The following GNPTG variants were observed in gnomAD, a reference collection of about 807,000 sequenced individuals.
GNPTG encodes the protein N-acetylglucosamine-1-phosphate transferase subunit gamma, also known as N-acetylglucosamine-1-phosphotransferase subunit gamma.
GNPTG carries 46 observed loss-of-function variants against 43.8 expected under a neutral mutation model. That is an observed-to-expected ratio of 1.05 (90% confidence interval 0.83 to 1.34). The LOEUF is 1.34. Among genes scored for constraint, GNPTG ranks in the 40% most tolerant of loss-of-function variants. The pLI is 0.00. For synonymous variants in GNPTG, 250 were observed against 172.8 expected, an observed-to-expected ratio of 1.45 and a Z score of -3.50; for missense variants, 549 against 411.3, an observed-to-expected ratio of 1.33 and a Z score of -2.90.
At chr16:1,356,321 C>G (rs534039807) in intron 3 of GNPTG, among the ~76,000 whole-genome samples, 14 of 152,124 alleles carry the variant, frequency 9.2e-5, no homozygotes, top group African/African-American at 2.9e-4. Context: ...AGGGGACGTG[C>G]GGGTGAAGCA....
At chr16:1,354,968 T>C (rs1321967133) in intron 3 of GNPTG, among the ~76,000 whole-genome samples, 7 of 150,688 alleles carry the variant, frequency 4.6e-5, no homozygotes, top group Non-Finnish European at 3.0e-5. Flanking sequence ...GTCCCCCGCG[T>C]CTGTGGGGTG....
intron 4 of GNPTG, 29 bp from the exon 5 acceptor site, chr16:1,361,843 G>T: frequency 6.2e-7 from 1 of 1,613,914 alleles, no homozygotes. Context: ...GCAGCCTGCG[G>T]ACCCCCCTCA....
intron 3 of GNPTG, chr16:1,361,337 G>C (rs1302398941): frequency 7.6e-6 from 2 of 262,958 alleles, no homozygotes; most frequent in East Asian, 9.4e-5. Flanking sequence ...TGAACGTCTT[G>C]TGCTTTTTGT....
intron 3 of GNPTG, among the ~76,000 whole-genome samples, chr16:1,359,708 G>A (rs2034837551): frequency 6.6e-6 from 1 of 152,182 alleles, no homozygotes. Flanking sequence ...GACTCCCTAT[G>A]AACTTTAGGA....
chr16:1,361,332 G>A (rs113228172), intron 3 of GNPTG: 8 of 254,820 alleles, frequency 3.1e-5, no homozygotes, highest in African/African-American at 1.6e-4. Flanking sequence ...TTCTTTGAAC[G>A]TCTTGTGCTT....
rs919659785 is a variant in GNPTG, at chr16:1,363,820, G to C, written c.*729G>C. 3 of 154,480 alleles carry C rather than the reference G, an allele frequency of 1.9e-5. No individual in the cohort carries two copies. Among genetic ancestry groups the C allele is most frequent in the East Asian group, 1.9e-4 (1 of 5,220 alleles). 9.6% of individuals were successfully genotyped at this position (154,480 alleles called of 1,614,324 possible). A position where few individuals can be genotyped will look rare whatever the true frequency, so the allele number is the denominator to read the frequency against. ...TCTTCCCACTGCTCACCTGTCCTCA[G>C]AGCCAGTACTGATCTAGGGGAGCAG... On this transcript the variant is annotated 3_prime_UTR_variant, in exon 11 of 11. Coordinates refer to ENST00000204679, the MANE Select transcript of GNPTG (RefSeq NM_032520.5).
In GNPTG at chr16:1,363,752, GCCC is replaced by G. The variant is rs1178403225; in HGVS notation, c.*664_*666del. 1 of 159,868 alleles carries G rather than the reference GCCC, an allele frequency of 6.3e-6. No individual in the cohort carries two copies. Among genetic ancestry groups the G allele is most frequent in the Non-Finnish European group, 1.4e-5 (1 of 72,992 alleles). 9.9% of individuals were successfully genotyped at this position (159,868 alleles called of 1,614,324 possible). Reference sequence around the variant, plus strand: ...CCAGGGCACACAGCCCCAGGATCTTGCCCCCATTTCCAACCCTGGCAGCGCTGC... The same window carrying G: ...CCAGGGCACACAGCCCCAGGATCTTGCCATTTCCAACCCTGGCAGCGCTGC... On this transcript the variant is annotated 3_prime_UTR_variant, in exon 11 of 11. Coordinates refer to ENST00000204679, the MANE Select transcript of GNPTG (RefSeq NM_032520.5).
chr16:1,363,767 C>CCTGGCAGCG lies in GNPTG; in HGVS notation c.*680_*688dup. On this transcript the variant is annotated 3_prime_UTR_variant, in exon 11 of 11. Transcript: ENST00000204679. ...CCAGGATCTTGCCCCCATTTCCAAC[C>CCTGGCAGCG]CTGGCAGCGCTGCCAGCCATTCTTT... is the stretch of plus-strand genomic sequence containing the variant. 6.3e-6 allele frequency: 1 copy of CCTGGCAGCG among 159,246 alleles called. No individual in the cohort carries two copies. Among genetic ancestry groups the CCTGGCAGCG allele is most frequent in the Non-Finnish European group, 1.4e-5 (1 of 72,246 alleles). 9.9% of individuals were successfully genotyped at this position (159,246 alleles called of 1,614,324 possible).
intron 7 of GNPTG, 55 bp from the exon 8 acceptor site, chr16:1,362,397 G>C (rs1268889253): frequency 1.2e-6 from 2 of 1,610,742 alleles, no homozygotes; most frequent in Admixed American, 1.7e-5. Flanking sequence ...GTAGTGCTGG[G>C]GGCCAGGGTT....
chr16:1,362,566 G>T, intron 8 of GNPTG, 32 bp downstream of exon 8: 1 of 1,614,168 alleles, frequency 6.2e-7, no homozygotes, highest in Non-Finnish European at 8.5e-7. Context: ...CCCCTGGTGG[G>T]CCTGGCTGGG....
chr16:1,359,315 G>A (rs2034831224), intron 3 of GNPTG, among the ~76,000 whole-genome samples: 1 of 151,756 alleles, frequency 6.6e-6, no homozygotes, highest in African/African-American at 2.4e-5. Flanking sequence ...AGCCCAGGCT[G>A]GAGTGCAGTA....
chr16:1,361,849 C>T, intron 4 of GNPTG, 23 bp from the exon 5 acceptor site: 1 of 1,613,950 alleles, frequency 6.2e-7, no homozygotes, highest in Non-Finnish European at 8.5e-7. Context: ...TGCGGACCCC[C>T]CTCATGCCAT....
intron 3 of GNPTG, chr16:1,361,513 G>T (rs184410108): frequency 3.8e-5 from 19 of 499,856 alleles, no homozygotes; most frequent in Non-Finnish European, 5.8e-5. Context: ...GCATGGTGGC[G>T]GGCGCCTGTA....
intron 3 of GNPTG, among the ~76,000 whole-genome samples, chr16:1,356,566 C>T (rs1392597448): frequency 6.6e-6 from 1 of 152,170 alleles, no homozygotes; most frequent in Non-Finnish European, 1.5e-5. Context: ...CTGGGCACTG[C>T]CAGTTGGGGG....
Position 1,363,093 on chromosome 16 carries a change from C to G in GNPTG, c.*2C>G, listed in dbSNP as rs1444318674. ...CCAGGACTGCGTGGGAGTTTGTGAC[C>G]TTGTGGTGGGAGAGCAGAGGTGGAC... is the stretch of plus-strand genomic sequence containing the variant. On this transcript the variant is annotated 3_prime_UTR_variant, in exon 11 of 11. Transcript: ENST00000204679. 6.8e-6 allele frequency: 11 copies of G among 1,613,504 alleles called. No individual in the cohort carries two copies. Among genetic ancestry groups the G allele is most frequent in the South Asian group, 4.4e-5 (4 of 91,024 alleles).
intron 3 of GNPTG, among the ~76,000 whole-genome samples, chr16:1,356,403 C>T (rs1051905690): frequency 3.3e-5 from 5 of 152,254 alleles, no homozygotes; most frequent in South Asian, 4.1e-4. Context: ...TAGAGACTCC[C>T]GCTCAGGTAT....
chr16:1,352,046 G>A, intron 1 of GNPTG, 29 bp downstream of exon 1: 4 of 1,515,386 alleles, frequency 2.6e-6, no homozygotes, highest in Non-Finnish European at 1.8e-6. Flanking sequence ...CGCGTCCCCA[G>A]GCCCCGCGCG....
At position 1,363,410 on chromosome 16, in the gene GNPTG, C is replaced by G. The variant is rs1185170973; in HGVS notation, c.*319C>G. The G allele has an allele frequency of 2.7e-6, 1 of 374,178 alleles. No individual in the cohort carries two copies. The highest frequency in any genetic ancestry group is 2.2e-5 in the South Asian group (1 of 45,056). The allele number at this position is 374,178 out of a possible 1,614,324, so 23.2% of individuals were successfully genotyped here. ...ATTCTCATGTAAATACTCAAACATACAGATTGAGGCTTCCAGAAATTAATC... is the reference window on the plus strand; with the variant it reads ...ATTCTCATGTAAATACTCAAACATAGAGATTGAGGCTTCCAGAAATTAATC... On this transcript the variant is annotated 3_prime_UTR_variant, in exon 11 of 11. Transcript: ENST00000204679.
At chr16:1,360,849 C>T (rs2034856282) in intron 3 of GNPTG, 1 of 152,432 alleles carries the variant, frequency 6.6e-6, no homozygotes, top group Non-Finnish European at 1.5e-5. Context: ...TCTGCCTCCG[C>T]TGAGCTGCTG....
Sources: gnomAD v4.1 joint callset for allele counts (sites outside exome capture counted in the v4.1 genomes callset) on GRCh38, gnomAD v4.1.1 for gene constraint, MANE v1.5 for transcripts, NCBI Gene and HGNC (gene_info 2026-07-23, HGNC 2026-07-21) for gene names.